PCYOX1L: variants seen among roughly 807,000 people sequenced by gnomAD.
The protein encoded by PCYOX1L is prenylcysteine oxidase 1-like.
Under a neutral mutation model 44.1 loss-of-function variants are expected in PCYOX1L, and 40 were observed. The ratio of observed to expected loss-of-function variants is 0.91; its 90% CI spans 0.70 to 1.18. The LOEUF is 1.18. Among genes scored for constraint, PCYOX1L ranks in the 50% most tolerant of loss-of-function variants. The pLI is 0.00. For synonymous variants in PCYOX1L, 266 were observed against 282.8 expected, an observed-to-expected ratio of 0.94 and a Z score of 0.60; for missense variants, 605 against 653.3, an observed-to-expected ratio of 0.93 and a Z score of 0.81.
At position 149,362,623 on chromosome 5, in the gene PCYOX1L, G is replaced by A. The variant is rs761796782; in HGVS notation, c.89-14G>A. On this transcript the variant is annotated splice_polypyrimidine_tract_variant and intron_variant, in intron 1 of 5. Coordinates refer to ENST00000274569, the MANE Select transcript of PCYOX1L (RefSeq NM_024028.4). ...CTGTCTCTCTTCTTCCCTACCTCCC[G>A]GGCCTGCTGACAGCGGTGGTTGGGG... is the stretch of plus-strand genomic sequence containing the variant. 51 of 1,613,556 alleles carry A rather than the reference G, an allele frequency of 3.2e-5. No homozygotes were observed. Among genetic ancestry groups the A allele is most frequent in the Non-Finnish European group, 4.1e-5 (48 of 1,179,990 alleles).
chr5:149,364,691 A>G (rs62378147), intron 3 of PCYOX1L: 2,728 of 154,598 alleles, frequency 0.018, 49 homozygotes, highest in East Asian at 0.087. Flanking sequence ...GTTTTTCAAC[A>G]TTTGCAACCA....
chr5:149,358,217 G>C, intron 1 of PCYOX1L, 61 bp downstream of exon 1: 2 of 1,365,756 alleles, frequency 1.5e-6, no homozygotes, highest in South Asian at 1.6e-5. Context: ...AGGGTTCTCA[G>C]TTCTCAGCTA....
rs775353626 is a variant in PCYOX1L, at chr5:149,366,135, G to A, written c.664G>A (p.Ala222Thr). Residue 222 changes from alanine (A) to threonine (T), a missense_variant, in exon 4 of 6, where the codon GCG (alanine) becomes ACG (threonine). Coordinates refer to ENST00000274569, the MANE Select transcript of PCYOX1L (RefSeq NM_024028.4). ...GCGGGCCAGCTATGGCCAGTCAGCA[G>A]CGATGCCCGCCTTTGCAGGTAAGCG... ...VLRASYGQSA[A>T]MPAFAGAMSL... 2.5e-6 allele frequency: 4 copies of A among 1,612,454 alleles called. No homozygotes were observed. The African/African-American group carries it at 5.3e-5, about 22-fold the overall frequency.
At chr5:149,362,505 T>C (rs1467597792) in intron 1 of PCYOX1L, 132 bp from the exon 2 acceptor site, 2 of 902,474 alleles carry the variant, frequency 2.2e-6, no homozygotes, top group East Asian at 5.3e-5. Flanking sequence ...GATTTCCTTT[T>C]GGAAATGTTA....
At position 149,369,028 on chromosome 5, in the gene PCYOX1L, T is replaced by C. The variant is rs1303109298; in HGVS notation, c.*374T>C. On this transcript the variant is annotated 3_prime_UTR_variant, in exon 6 of 6. Coordinates refer to ENST00000274569, the MANE Select transcript of PCYOX1L (RefSeq NM_024028.4). Reference sequence around the variant, plus strand: ...GTCTTATTTTATTACTGTTTTTCACTACCTACTCCCACAATGGACAATCAA... The same window carrying C: ...GTCTTATTTTATTACTGTTTTTCACCACCTACTCCCACAATGGACAATCAA... The C allele has an allele frequency of 1.2e-5, 2 of 163,746 alleles. No individual in the cohort carries two copies. The highest frequency in any genetic ancestry group is 4.8e-5 in the African/African-American group (2 of 41,948). 10.1% of individuals were successfully genotyped at this position (163,746 alleles called of 1,614,324 possible).
chr5:149,359,192 C>T (rs185344762), intron 1 of PCYOX1L, among the ~76,000 whole-genome samples: 36 of 152,284 alleles, frequency 2.4e-4, no homozygotes, highest in Non-Finnish European at 5.9e-5. Flanking sequence ...GACTCTATTC[C>T]GCTAGGCCAC....
chr5:149,367,375 C>A lies in PCYOX1L; in HGVS notation c.698C>A (p.Ala233Asp). ...CTTTGCCCAGGAGCCATGTCACTAG[C>A]CGGGGCCCAAGGCAGCCTGTGGTCT... The part of the protein sequence containing the change: ...MPAFAGAMSL[A>D]GAQGSLWSVE... Residue 233 changes from alanine to aspartate, a missense_variant, in exon 5 of 6, where the codon GCC (alanine) becomes GAC (aspartate). By Grantham distance (126) the Ala-to-Asp change is moderately radical. Coordinates refer to ENST00000274569, the MANE Select transcript of PCYOX1L (RefSeq NM_024028.4). 2 of 1,610,634 alleles carry A rather than the reference C, an allele frequency of 1.2e-6. No homozygotes were observed. Among genetic ancestry groups the A allele is most frequent in the Non-Finnish European group, 1.7e-6 (2 of 1,178,862 alleles).
chr5:149,366,733 C>T (rs540678946), intron 4 of PCYOX1L, among the ~76,000 whole-genome samples: 103 of 152,308 alleles, frequency 6.8e-4, no homozygotes, highest in African/African-American at 2.4e-3. Flanking sequence ...ATAACAAGCA[C>T]CTCCCTCGTA....
chr5:149,364,083 G>C lies in PCYOX1L; in HGVS notation c.343G>C (p.Gly115Arg). 1 of 1,614,090 alleles carries C rather than the reference G, an allele frequency of 6.2e-7. No individual in the cohort carries two copies. Among genetic ancestry groups the C allele is most frequent in the Non-Finnish European group, 8.5e-7 (1 of 1,179,998 alleles). Residue 115 changes from glycine to arginine, a missense_variant, in exon 3 of 6, where the codon GGG becomes CGG. By Grantham distance (125) the Gly-to-Arg change is moderately radical. Coordinates refer to ENST00000274569, the MANE Select transcript of PCYOX1L (RefSeq NM_024028.4). ...GGTGGGCAGGAGCGCCATCTTCGGC[G>C]GGGAGCACTTCATGCTGGAGGAGAC... Reference protein sequence around the residue: ...EVVGRSAIFGGEHFMLEETDW... With the variant: ...EVVGRSAIFGREHFMLEETDW...
chr5:149,365,863 C>G, intron 3 of PCYOX1L, 79 bp from the exon 4 acceptor site: 2 of 1,418,390 alleles, frequency 1.4e-6, no homozygotes, highest in Non-Finnish European at 2.0e-6. Flanking sequence ...GGTGGGCCTC[C>G]CAGGCACTAT....
Position 149,362,672 on chromosome 5 carries a change from G to T in PCYOX1L, c.124G>T (p.Ala42Ser). The T allele has an allele frequency of 1.2e-6, 2 of 1,614,202 alleles. No individual in the cohort carries two copies. Among genetic ancestry groups the T allele is most frequent in the Non-Finnish European group, 1.7e-6 (2 of 1,180,052 alleles). The change falls in exon 2 of 6, where the codon GCC (alanine) becomes TCC (serine). Residue 42 changes from alanine to serine, a missense_variant. Ala to Ser is a moderately conservative substitution (Grantham distance 99). Transcript: ENST00000274569. ...GGCTGGGATTGGGGGCTCTGCTGTG[G>T]CCCATTTTCTCCAGCAGCACTTTGG... Reference protein sequence around the residue: ...VGAGIGGSAVAHFLQQHFGPR... With the variant: ...VGAGIGGSAVSHFLQQHFGPR...
At chr5:149,366,331 C>T (rs1758206115) in intron 4 of PCYOX1L, among the ~76,000 whole-genome samples, 178 bp downstream of exon 4, 1 of 152,240 alleles carries the variant, frequency 6.6e-6, no homozygotes, top group African/African-American at 2.4e-5. Flanking sequence ...GAGATAGTAT[C>T]ACCCCACTTC....
chr5:149,364,356 C>T, intron 3 of PCYOX1L, 146 bp downstream of exon 3: 1 of 968,042 alleles, frequency 1.0e-6, no homozygotes, highest in Admixed American at 2.8e-5. Context: ...AGAGCAAGCC[C>T]CTGGCATGAG....
intron 4 of PCYOX1L, 86 bp from the exon 5 acceptor site, chr5:149,367,274 G>A: frequency 6.8e-7 from 1 of 1,471,108 alleles, no homozygotes; most frequent in East Asian, 2.4e-5. Flanking sequence ...CTGGCAGGGA[G>A]GCCCAGTCGA....
rs1313928918 is a variant in PCYOX1L, at chr5:149,369,062, A to C, written c.*408A>C. The C allele has an allele frequency of 6.4e-6, 1 of 156,526 alleles. No individual in the cohort carries two copies. Among genetic ancestry groups the C allele is most frequent in the Non-Finnish European group, 1.4e-5 (1 of 71,256 alleles). 9.7% of individuals were successfully genotyped at this position (156,526 alleles called of 1,614,324 possible). ...CCACAATGGACAATCAATTGAGGCA[A>C]CCTACAAGAAAACATTTACAACCAG... On this transcript the variant is annotated 3_prime_UTR_variant, in exon 6 of 6. Coordinates refer to ENST00000274569, the MANE Select transcript of PCYOX1L (RefSeq NM_024028.4).
rs371327240 is a variant in PCYOX1L at position 149,366,010 on chromosome 5, A to T, written c.539A>T (p.Glu180Val). The T allele has an allele frequency of 2.5e-5, 41 of 1,614,024 alleles. No homozygotes were observed. The highest frequency in any genetic ancestry group is 5.1e-6 in the Non-Finnish European group (6 of 1,180,020). ...GVEELLYSLG[E>V]STFVNMTQHS... is the part of the protein sequence containing the mutation. ...GAGGAGCTGCTCTACTCACTGGGGG[A>T]GTCCACCTTTGTTAACATGACCCAG... is the stretch of plus-strand genomic sequence containing the variant. Residue 180 changes from glutamate to valine, a missense_variant, in exon 4 of 6, where the codon GAG (glutamate) becomes GTG (valine). Transcript: ENST00000274569.
In PCYOX1L at chr5:149,362,769, A is replaced by G. The variant is rs1270483436; in HGVS notation, c.221A>G (p.Lys74Arg). The change falls in exon 2 of 6, where the codon AAG (lysine) becomes AGG (arginine). Residue 74 changes from lysine to arginine, a missense_variant. Transcript: ENST00000274569. The stretch of plus-strand genomic sequence containing the variant: ...CGCTTGGCCACCATCTCAGTCAACA[A>G]GCAGCACTATGAGAGCGGGGCTGCC... ...GGRLATISVN[K>R]QHYESGAASF... The G allele has an allele frequency of 6.2e-7, 1 of 1,614,176 alleles. No individual in the cohort carries two copies. Among genetic ancestry groups the G allele is most frequent in the Non-Finnish European group, 8.5e-7 (1 of 1,180,038 alleles).
At chr5:149,359,998 C>T (rs1008037259) in intron 1 of PCYOX1L, among the ~76,000 whole-genome samples, 3 of 152,200 alleles carry the variant, frequency 2.0e-5, no homozygotes, top group Non-Finnish European at 2.9e-5. Context: ...GCAGAGTGTG[C>T]GTGTCCTCTC....
intron 2 of PCYOX1L, 23 bp downstream of exon 2, chr5:149,362,866 C>T: frequency 2.5e-6 from 4 of 1,612,094 alleles, no homozygotes; most frequent in Non-Finnish European, 2.5e-6. Flanking sequence ...TCCTGGGGCT[C>T]CAGTGCCCAG....
Sources: gnomAD v4.1 joint callset for allele counts (sites outside exome capture counted in the v4.1 genomes callset) on GRCh38, gnomAD v4.1.1 for gene constraint, MANE v1.5 for transcripts, NCBI Gene and HGNC (gene_info 2026-07-23, HGNC 2026-07-21) for gene names.